Variants in ZSWIM6 observed in about 807,000 individuals in gnomAD.
ZSWIM6 encodes the protein zinc finger SWIM-type containing 6.
A neutral mutation model predicts 113.2 loss-of-function variants in ZSWIM6; 9 were observed. That is an observed-to-expected ratio of 0.08 (90% CI 0.05 to 0.14). ZSWIM6 has a LOEUF of 0.14. Among genes scored for constraint, ZSWIM6 ranks in the 10% least tolerant of loss-of-function variants. ZSWIM6 has a pLI of 1.00. For synonymous variants in ZSWIM6, 611 were observed against 606.5 expected (o/e 1.01, Z -0.11); for missense variants, 1,162 against 1,552.2 (o/e 0.75, Z 4.22).
intron 7 of ZSWIM6, among the ~76,000 whole-genome samples, chr5:61,528,701 C>T (rs982494071): frequency 1.3e-5 from 2 of 151,904 alleles, no homozygotes; most frequent in Non-Finnish European, 2.9e-5. Flanking sequence ...GATTCTCCTG[C>T]CTCAACCTCC....
At chr5:61,522,411 A>C (rs923332906) in intron 5 of ZSWIM6, among the ~76,000 whole-genome samples, 3 of 152,206 alleles carry the variant, frequency 2.0e-5, no homozygotes, top group Non-Finnish European at 4.4e-5. Context: ...TCAAGACTAC[A>C]TTCTCTATGT....
At chr5:61,368,700 C>T (rs1234511864) in intron 1 of ZSWIM6, among the ~76,000 whole-genome samples, 2 of 152,164 alleles carry the variant, frequency 1.3e-5, no homozygotes, top group Non-Finnish European at 1.5e-5. Context: ...GGCCAGCTAT[C>T]AAGAAAGGAC....
In ZSWIM6 at chr5:61,341,601, T is replaced by C. The variant is rs1326388523; in HGVS notation, c.676+8653T>C. On this transcript the variant is annotated intron_variant, in intron 1 of 13. Coordinates refer to ENST00000252744, the MANE Select transcript of ZSWIM6 (RefSeq NM_020928.2). ...ACTTGCTGTTACATGAATGTATACA[T>C]ATACCCATATAATAAAGAATTTGCT... 7.2e-5 allele frequency among the ~76,000 whole-genome samples: 11 copies of C among 152,296 alleles called. No homozygotes were observed. In the East Asian group the frequency reaches 1.4e-3, roughly 19 times the overall value.
intron 4 of ZSWIM6, among the ~76,000 whole-genome samples, chr5:61,511,249 A>T (rs531611156): frequency 6.6e-6 from 1 of 152,294 alleles, no homozygotes; most frequent in Non-Finnish European, 1.5e-5. Flanking sequence ...CTTGGTTTTT[A>T]AAAAATTTCT....
chr5:61,456,032 T>A (rs1412493973), intron 1 of ZSWIM6, among the ~76,000 whole-genome samples: 1 of 152,120 alleles, frequency 6.6e-6, no homozygotes, highest in Admixed American at 6.5e-5. Flanking sequence ...AGTCACAGTC[T>A]TGAAAATCGG....
rs921405509 is a variant in ZSWIM6, at chr5:61,477,335, C to T, written c.1033+4298C>T. Among the ~76,000 whole-genome samples the T allele has an allele frequency of 9.2e-5, 14 of 152,140 alleles. No homozygotes were observed. The East Asian group carries it at 2.5e-3, about 27-fold the overall frequency. On this transcript the variant is annotated intron_variant, in intron 2 of 13. Coordinates refer to ENST00000252744, the MANE Select transcript of ZSWIM6 (RefSeq NM_020928.2). The stretch of plus-strand genomic sequence containing the variant: ...TACCCCTCACTTCCCTGTCATGTGT[C>T]CAGAGATGCCATCTCAGCTAGCCAA...
At chr5:61,428,321 T>C (rs1369938762) in intron 1 of ZSWIM6, among the ~76,000 whole-genome samples, 1 of 152,216 alleles carries the variant, frequency 6.6e-6, no homozygotes, top group Non-Finnish European at 1.5e-5. Flanking sequence ...GTCCGTGCTC[T>C]AGTAATTTTC....
chr5:61,503,533 C>T (rs1032663344), intron 4 of ZSWIM6, among the ~76,000 whole-genome samples: 3 of 152,098 alleles, frequency 2.0e-5, no homozygotes, highest in African/African-American at 4.8e-5. Context: ...TGTGTATGAT[C>T]AAGGGTGGAA....
chr5:61,477,871 C>T (rs920335610), intron 2 of ZSWIM6, among the ~76,000 whole-genome samples: 16 of 152,194 alleles, frequency 1.1e-4, no homozygotes, highest in East Asian at 3.9e-4. Flanking sequence ...TGTCATTGTT[C>T]GTTCTGTTTT....
intron 1 of ZSWIM6, among the ~76,000 whole-genome samples, chr5:61,445,674 C>A (rs746295344): frequency 2.6e-5 from 4 of 152,164 alleles, no homozygotes; most frequent in Admixed American, 1.3e-4. Context: ...CAAATACAAT[C>A]CTTCCATTAG....
At chr5:61,418,370 T>G (rs1369654275) in intron 1 of ZSWIM6, among the ~76,000 whole-genome samples, 1 of 151,754 alleles carries the variant, frequency 6.6e-6, no homozygotes, top group East Asian at 2.0e-4. Context: ...CGGGTTCAAG[T>G]GATTCTCCTG....
At chr5:61,455,979 T>C (rs1001048306) in intron 1 of ZSWIM6, among the ~76,000 whole-genome samples, 2 of 152,130 alleles carry the variant, frequency 1.3e-5, no homozygotes, top group Non-Finnish European at 2.9e-5. Flanking sequence ...TTTAGAATTA[T>C]CGAGAGGTGA....
intron 4 of ZSWIM6, among the ~76,000 whole-genome samples, chr5:61,508,576 T>C (rs1453279388): frequency 1.3e-5 from 2 of 152,220 alleles, no homozygotes; most frequent in Non-Finnish European, 2.9e-5. Context: ...TAATCTTTTT[T>C]GGTAACTGTG....
At chr5:61,410,347 G>A (rs576601530) in intron 1 of ZSWIM6, among the ~76,000 whole-genome samples, 94 of 131,334 alleles carry the variant, frequency 7.2e-4, no homozygotes, top group Non-Finnish European at 1.2e-3. Flanking sequence ...GTCTCACTCT[G>A]TTGCCAGGCT....
At chr5:61,354,288 C>T (rs1322072446) in intron 1 of ZSWIM6, among the ~76,000 whole-genome samples, 3 of 152,188 alleles carry the variant, frequency 2.0e-5, no homozygotes, top group Non-Finnish European at 4.4e-5. Flanking sequence ...CTATATAACT[C>T]ACCATAATTT....
At chr5:61,505,598 TTTAC>T (rs1748579589) in intron 4 of ZSWIM6, among the ~76,000 whole-genome samples, 1 of 139,372 alleles carries the variant, frequency 7.2e-6, no homozygotes, top group South Asian at 2.4e-4. Context: ...ATATCTATGA[TTTAC>T]CTTCCTTCCT....
At chr5:61,434,267 G>T (rs1428487101) in intron 1 of ZSWIM6, among the ~76,000 whole-genome samples, 2 of 149,484 alleles carry the variant, frequency 1.3e-5, no homozygotes, top group African/African-American at 4.9e-5. Flanking sequence ...ATTTTACTAT[G>T]GAAAACTTTT....
intron 1 of ZSWIM6, among the ~76,000 whole-genome samples, chr5:61,405,190 C>G (rs967718580): frequency 6.6e-6 from 1 of 152,086 alleles, no homozygotes; most frequent in African/African-American, 2.4e-5. Context: ...TATTCCTTTT[C>G]ATTTGTTGAT....
chr5:61,401,142 C>T (rs1745933048), intron 1 of ZSWIM6, among the ~76,000 whole-genome samples: 1 of 152,092 alleles, frequency 6.6e-6, no homozygotes, highest in Non-Finnish European at 1.5e-5. Flanking sequence ...TTTACTAATA[C>T]TGCCACCAAG....
Sources: gnomAD v4.1 joint callset for allele counts (sites outside exome capture counted in the v4.1 genomes callset) on GRCh38, gnomAD v4.1.1 for gene constraint, MANE v1.5 for transcripts, NCBI Gene and HGNC (gene_info 2026-07-23, HGNC 2026-07-21) for gene names.